WWOX: variants seen among roughly 807,000 people sequenced by gnomAD.
The protein encoded by WWOX is WW domain containing oxidoreductase, also known as WW domain-containing oxidoreductase.
In WWOX, 69 loss-of-function variants were observed where a neutral mutation model predicts 46.2. The observed-to-expected ratio is 1.49, with a 90% CI of 1.23 to 1.82. WWOX has a LOEUF of 1.82. Among genes scored for constraint, WWOX ranks in the 40% most tolerant of loss-of-function variants. WWOX has a pLI of 0.00. For synonymous variants in WWOX, 359 were observed against 202.6 expected, an observed-to-expected ratio of 1.77 and a Z score of -6.56; for missense variants, 919 against 542.6, an observed-to-expected ratio of 1.69 and a Z score of -6.89.
chr16:78,604,713 TCCCCCCTC>T (rs1472646183), intron 8 of WWOX, among the ~76,000 whole-genome samples: 4 of 5,854 alleles, frequency 6.8e-4, no homozygotes, highest in African/African-American at 3.2e-3. Context: ...CCTCCCTCCT[TCCCCCCTC>T]CCTCCTTCCC....
At chr16:78,557,018 G>T (rs979158535) in intron 8 of WWOX, among the ~76,000 whole-genome samples, 2 of 151,798 alleles carry the variant, frequency 1.3e-5, no homozygotes, top group African/African-American at 4.8e-5. Context: ...GAGCCCAGCC[G>T]GCAAACTTAC....
chr16:78,677,086 T>C (rs1277257832), intron 8 of WWOX, among the ~76,000 whole-genome samples: 5 of 152,054 alleles, frequency 3.3e-5, no homozygotes, highest in African/African-American at 1.2e-4. Context: ...ATGAGCTGTT[T>C]TTGCATTCAA....
At chr16:78,888,551 A>T (rs2044517180) in intron 8 of WWOX, among the ~76,000 whole-genome samples, 1 of 152,192 alleles carries the variant, frequency 6.6e-6, no homozygotes, top group South Asian at 2.1e-4. Context: ...CAGAACTCAA[A>T]GACGGCTTTT....
intron 8 of WWOX, among the ~76,000 whole-genome samples, chr16:79,082,328 C>T (rs11861546): frequency 0.025 from 3,740 of 152,202 alleles, 47 homozygotes; most frequent in African/African-American, 0.042. Flanking sequence ...GTGACCTCAG[C>T]GGAGTTCCAG....
At chr16:78,716,649 A>C (rs907255890) in intron 8 of WWOX, among the ~76,000 whole-genome samples, 1 of 151,590 alleles carries the variant, frequency 6.6e-6, no homozygotes, top group Non-Finnish European at 1.5e-5. Context: ...CGCTCCTCTC[A>C]CTGTGCTGCT....
rs184881413 is a variant in WWOX, at chr16:79,133,529, T to A, written c.1057-78079T>A. ...TTTAGTATATTTAAACTTCAGGTCC[T>A]TAAATGTTCTTTTCTTTTTCCTTCA... On this transcript the variant is annotated intron_variant, in intron 8 of 8. Transcript: ENST00000566780. Among the ~76,000 whole-genome samples the A allele has an allele frequency of 3.0e-3, 451 of 152,370 alleles. 1 individual carries two copies. Among genetic ancestry groups the A allele is most frequent in the African/African-American group, 0.01 (429 of 41,586 alleles).
intron 5 of WWOX, among the ~76,000 whole-genome samples, chr16:78,340,348 C>A (rs1175326212): frequency 8.5e-6 from 1 of 117,888 alleles, no homozygotes. Flanking sequence ...ATGTGCGTGT[C>A]ACCAAGCCGA....
chr16:78,175,485 T>TAAA (rs1260542775), intron 5 of WWOX, among the ~76,000 whole-genome samples: 4 of 152,196 alleles, frequency 2.6e-5, no homozygotes, highest in Non-Finnish European at 4.4e-5. Context: ...AGGTAGGTCC[T>TAAA]AAAGGCTTCG....
At chr16:79,183,156 T>C (rs1873676505) in intron 8 of WWOX, among the ~76,000 whole-genome samples, 1 of 152,178 alleles carries the variant, frequency 6.6e-6, no homozygotes, top group South Asian at 2.1e-4. Context: ...GGAGAAGGCG[T>C]GAGCAGAGCA....
At chr16:78,807,723 T>G (rs1401857583) in intron 8 of WWOX, among the ~76,000 whole-genome samples, 1 of 152,214 alleles carries the variant, frequency 6.6e-6, no homozygotes, top group South Asian at 2.1e-4. Context: ...TGTTACATAA[T>G]TGGGGCTTCT....
chr16:79,018,188 G>C (rs937754439), intron 8 of WWOX, among the ~76,000 whole-genome samples: 10 of 152,132 alleles, frequency 6.6e-5, no homozygotes, highest in Non-Finnish European at 1.0e-4. Flanking sequence ...ATTGTCTATC[G>C]TTGAGTCCCT....
In WWOX at chr16:79,044,434, A is replaced by G. The variant is rs144077942; in HGVS notation, c.1057-167174A>G. Among the ~76,000 whole-genome samples, 489 of 152,102 alleles carry G rather than the reference A, an allele frequency of 3.2e-3. 3 individuals are homozygous for G. The highest frequency in any genetic ancestry group is 0.011 in the African/African-American group (462 of 41,518). ...ATCCTCTTGGTACTGTCCTCACGAT[A>G]GTGAGTGAGTTGTTGGGGGAGCTGG... On this transcript the variant is annotated intron_variant, in intron 8 of 8. Transcript: ENST00000566780.
At chr16:78,589,794 T>G (rs375644373) in intron 8 of WWOX, among the ~76,000 whole-genome samples, 1 of 152,148 alleles carries the variant, frequency 6.6e-6, no homozygotes, top group East Asian at 1.9e-4. Flanking sequence ...GCTGGCTTTT[T>G]CCCCCTTTTT....
chr16:78,941,970 T>A (rs1054279460), intron 8 of WWOX, among the ~76,000 whole-genome samples: 1 of 152,316 alleles, frequency 6.6e-6, no homozygotes, highest in East Asian at 1.9e-4. Flanking sequence ...AAAATGTAGA[T>A]GAATGTGGGT....
intron 8 of WWOX, among the ~76,000 whole-genome samples, chr16:78,712,384 C>A (rs2048462023): frequency 6.6e-6 from 1 of 151,888 alleles, no homozygotes; most frequent in Non-Finnish European, 1.5e-5. Flanking sequence ...TGCCTGTAGG[C>A]CTAGTTACTT....
intron 8 of WWOX, among the ~76,000 whole-genome samples, chr16:78,451,591 C>A (rs745796744): frequency 4.6e-5 from 7 of 152,144 alleles, no homozygotes; most frequent in Non-Finnish European, 7.4e-5. Context: ...TTTGGATTTT[C>A]TTTTTCACTG....
chr16:78,736,455 C>G (rs183082973), intron 8 of WWOX, among the ~76,000 whole-genome samples: 3 of 152,256 alleles, frequency 2.0e-5, no homozygotes, highest in Non-Finnish European at 4.4e-5. Flanking sequence ...CCCAAAGTCA[C>G]CTTTGCTCTC....
intron 8 of WWOX, among the ~76,000 whole-genome samples, chr16:78,555,193 C>G (rs1413490635): frequency 1.7e-5 from 2 of 116,166 alleles, no homozygotes; most frequent in Admixed American, 9.2e-5. Flanking sequence ...AAAAAAAATT[C>G]TAGTTTCTCA....
chr16:78,794,928 C>T (rs911695588), intron 8 of WWOX, among the ~76,000 whole-genome samples: 1 of 152,226 alleles, frequency 6.6e-6, no homozygotes, highest in African/African-American at 2.4e-5. Flanking sequence ...GCCTGGCATA[C>T]TGCAAATATC....
Sources: allele counts gnomAD v4.1 joint callset (sites outside exome capture counted in the v4.1 genomes callset), GRCh38; gene constraint gnomAD v4.1.1; transcripts MANE v1.5; gene names NCBI Gene and HGNC (gene_info 2026-07-23, HGNC 2026-07-21).